The following FXYD6 variants were observed in gnomAD, a reference collection of about 807,000 sequenced individuals.
FXYD6 encodes the protein FXYD domain containing ion transport regulator 6, also known as FXYD domain-containing ion transport regulator 6.
In FXYD6, 7 loss-of-function variants were observed where a neutral mutation model predicts 16.7. The ratio of observed to expected loss-of-function variants is 0.42; its 90% CI spans 0.24 to 0.79. FXYD6 has a LOEUF of 0.79. Among genes scored for constraint, FXYD6 ranks in the 30% least tolerant of loss-of-function variants. The pLI is 0.28. For synonymous variants in FXYD6, 49 were observed against 43.0 expected (o/e 1.14, Z -0.54); for missense variants, 111 against 116.2 (o/e 0.95, Z 0.21).
At chr11:117,842,142 C>T in intron 2 of FXYD6, 114 bp from the exon 3 acceptor site, 2 of 1,518,238 alleles carry the variant, frequency 1.3e-6, no homozygotes, top group African/African-American at 1.4e-5. Flanking sequence ...AGGAGCAGGG[C>T]CCATTAAACA....
intron 1 of FXYD6, among the ~76,000 whole-genome samples, chr11:117,851,901 T>G (rs1454009645): frequency 6.6e-6 from 1 of 152,256 alleles, no homozygotes. Flanking sequence ...GTGGCAAAAG[T>G]GGCAAAAGGA....
chr11:117,874,862 C>G (rs549892006), intron 1 of FXYD6, among the ~76,000 whole-genome samples: 3 of 152,360 alleles, frequency 2.0e-5, no homozygotes, highest in East Asian at 1.9e-4. Flanking sequence ...GCTGCGCCCA[C>G]TCTTTATCCA....
At chr11:117,842,624 C>T in intron 2 of FXYD6, 95 bp downstream of exon 2, 2 of 1,281,180 alleles carry the variant, frequency 1.6e-6, no homozygotes, top group Middle Eastern at 2.5e-4. Flanking sequence ...GAGAGTCCCC[C>T]AGCCCTAATG....
chr11:117,869,389 T>C (rs1184876937), intron 1 of FXYD6, among the ~76,000 whole-genome samples: 1 of 152,210 alleles, frequency 6.6e-6, no homozygotes, highest in African/African-American at 2.4e-5. Flanking sequence ...TTCCCTCTCC[T>C]GTCAGGCGCC....
rs111600899 is a variant in FXYD6 at position 117,872,686 on chromosome 11, G to T, written c.-6+3906C>A. Among the ~76,000 whole-genome samples, 5 of 152,182 alleles carry T rather than the reference G, an allele frequency of 3.3e-5. No individual in the cohort carries two copies. The highest frequency in any genetic ancestry group is 1.2e-4 in the African/African-American group (5 of 41,450). ...CATGGCCCCAGCCTGGTCCGTGGGG[G>T]CCCAGCCCCTTTCCCAGGCTGTGTG... is the stretch of plus-strand genomic sequence containing the variant. On this transcript the variant is annotated intron_variant, in intron 1 of 7. Coordinates refer to ENST00000526014, the MANE Select transcript of FXYD6 (RefSeq NM_022003.4). The surrounding 1 kb of genome is among the most constrained non-coding windows in gnomAD (Gnocchi z 4.9).
At chr11:117,846,093 C>A (rs2056459826) in intron 1 of FXYD6, among the ~76,000 whole-genome samples, 1 of 152,152 alleles carries the variant, frequency 6.6e-6, no homozygotes, top group African/African-American at 2.4e-5. Context: ...ACTCTACAAC[C>A]TGTTGTGGAT....
intron 1 of FXYD6, among the ~76,000 whole-genome samples, chr11:117,867,558 A>C (rs755251754): frequency 1.3e-5 from 2 of 152,214 alleles, no homozygotes; most frequent in Middle Eastern, 3.4e-3. Flanking sequence ...CTCCCTCCCA[A>C]ACTCAAAGGC....
intron 1 of FXYD6, among the ~76,000 whole-genome samples, chr11:117,858,726 T>TCTCTC (rs1565323970): frequency 3.6e-4 from 17 of 46,810 alleles, no homozygotes; most frequent in Non-Finnish European, 4.3e-4. Context: ...CTTCCTTCCC[T>TCTCTC]TCCTTCCTTC....
intron 1 of FXYD6, among the ~76,000 whole-genome samples, chr11:117,852,221 A>G (rs1011908870): frequency 6.6e-6 from 1 of 152,234 alleles, no homozygotes; most frequent in Admixed American, 6.5e-5. Flanking sequence ...CTTAGCCAGC[A>G]CCTAGACTGT....
At position 117,839,769 on chromosome 11, in the gene FXYD6, T is replaced by A. The variant is rs2134129986; in HGVS notation, c.*21+12A>T. 6.2e-7 allele frequency: 1 copy of A among 1,614,056 alleles called. No homozygotes were observed. The highest frequency in any genetic ancestry group is 1.7e-4 in the Middle Eastern group (1 of 6,060). ...TGGCAACAGGGGCCAATCCAGGCAC[T>A]GAGCATCTCACCTTCCACCTGATGG... On this transcript the variant is annotated intron_variant, in intron 7 of 7. Transcript: ENST00000526014.
At chr11:117,861,954 G>A (rs1340783507) in intron 1 of FXYD6, among the ~76,000 whole-genome samples, 4 of 152,226 alleles carry the variant, frequency 2.6e-5, no homozygotes, top group Non-Finnish European at 4.4e-5. Context: ...ATCTGGCTGG[G>A]ACAGCTAAAG....
rs780660312 is a variant in FXYD6, at chr11:117,870,828, C to T, written c.-6+5764G>A. Among the ~76,000 whole-genome samples, 5 of 152,138 alleles carry T rather than the reference C, an allele frequency of 3.3e-5. No homozygotes were observed. Among genetic ancestry groups the T allele is most frequent in the African/African-American group, 4.8e-5 (2 of 41,424 alleles). ...ACCCCTTCCCATGTAGGGCTGTCAC[C>T]AGTGTATGCCCCCATCACACCATAG... On this transcript the variant is annotated intron_variant, in intron 1 of 7. Coordinates refer to ENST00000526014, the MANE Select transcript of FXYD6 (RefSeq NM_022003.4). The surrounding 1 kb of genome is among the most constrained non-coding windows in gnomAD (Gnocchi z 4.2).
At chr11:117,841,308 ACAG>A in intron 4 of FXYD6, 124 bp from the exon 5 acceptor site, 1 of 1,230,678 alleles carries the variant, frequency 8.1e-7, no homozygotes, top group Non-Finnish European at 1.1e-6. Flanking sequence ...CACAGTTTGC[ACAG>A]CTGCACACAG....
intron 1 of FXYD6, among the ~76,000 whole-genome samples, chr11:117,851,901 TG>T (rs1457294783): frequency 6.6e-6 from 1 of 152,256 alleles, no homozygotes; most frequent in East Asian, 1.9e-4. Context: ...GTGGCAAAAG[TG>T]GCAAAAGGAC....
At position 117,842,706 on chromosome 11, in the gene FXYD6, G is replaced by A. The variant is rs1253798718; in HGVS notation, c.58+13C>T. 3.8e-6 allele frequency: 6 copies of A among 1,560,866 alleles called. No individual in the cohort carries two copies. The South Asian group carries it at 7.1e-5, about 18-fold the overall frequency. On this transcript the variant is annotated intron_variant, in intron 2 of 7. Coordinates refer to ENST00000526014, the MANE Select transcript of FXYD6 (RefSeq NM_022003.4). ...GTCATCTTGTCACAGCCAGGTCCCA[G>A]AGGGGTACTTACCACTGGCCAGGAC...
chr11:117,843,337 G>A (rs1046347575), intron 1 of FXYD6, among the ~76,000 whole-genome samples: 3 of 152,218 alleles, frequency 2.0e-5, no homozygotes, highest in African/African-American at 4.8e-5. Context: ...CCGAGAACCT[G>A]AAGCTTAATG....
intron 1 of FXYD6, among the ~76,000 whole-genome samples, chr11:117,857,592 A>AC (rs1214611021): frequency 6.6e-6 from 1 of 152,014 alleles, no homozygotes; most frequent in Admixed American, 6.6e-5. Flanking sequence ...TATTTTTAGT[A>AC]GAGACGGAGT....
chr11:117,847,955 G>A (rs537752890), intron 1 of FXYD6, among the ~76,000 whole-genome samples: 63 of 152,196 alleles, frequency 4.1e-4, no homozygotes, highest in Non-Finnish European at 7.2e-4. Context: ...CTTCCACAAA[G>A]GTTGAACTAG....
At chr11:117,855,397 T>C (rs2056702070) in intron 1 of FXYD6, among the ~76,000 whole-genome samples, 1 of 152,162 alleles carries the variant, frequency 6.6e-6, no homozygotes, top group Non-Finnish European at 1.5e-5. Context: ...GGTGGTACGT[T>C]GGCACTGCCC....
Sources: gnomAD v4.1 joint callset for allele counts (sites outside exome capture counted in the v4.1 genomes callset) on GRCh38, gnomAD v4.1.1 for gene constraint, Gnocchi (gnomAD v3.1) non-coding constraint, MANE v1.5 for transcripts, NCBI Gene and HGNC (gene_info 2026-07-23, HGNC 2026-07-21) for gene names.